The following BAIAP2L1 variants were observed in gnomAD, a reference collection of about 807,000 sequenced individuals.
BAIAP2L1 encodes the protein BAR/IMD domain-containing adapter protein 2-like 1.
A neutral mutation model predicts 66.3 loss-of-function variants in BAIAP2L1; 35 were observed. The ratio of observed to expected loss-of-function variants is 0.53; its 90% CI spans 0.40 to 0.70. The LOEUF is 0.70. Among genes scored for constraint, BAIAP2L1 ranks in the 30% least tolerant of loss-of-function variants. The pLI is 0.00. For synonymous variants in BAIAP2L1, 269 were observed against 248.7 expected (o/e 1.08, Z -0.77); for missense variants, 622 against 656.9 (o/e 0.95, Z 0.58).
At chr7:98,366,856 TTTC>T (rs1437124771) in intron 1 of BAIAP2L1, among the ~76,000 whole-genome samples, 20 of 152,158 alleles carry the variant, frequency 1.3e-4, no homozygotes, top group African/African-American at 4.8e-4. Flanking sequence ...CTTTGCTTTT[TTTC>T]TTTTCTTCCC....
At chr7:98,316,555 C>T (rs151016826) in intron 6 of BAIAP2L1, among the ~76,000 whole-genome samples, 2 of 152,306 alleles carry the variant, frequency 1.3e-5, no homozygotes, top group African/African-American at 4.8e-5. Flanking sequence ...ATTTATAGGG[C>T]ACATGTGATA....
chr7:98,398,692 T>C (rs1247217357), intron 1 of BAIAP2L1, among the ~76,000 whole-genome samples: 1 of 152,110 alleles, frequency 6.6e-6, no homozygotes, highest in African/African-American at 2.4e-5. Context: ...CTTTGGGTAA[T>C]AAGACATGCC....
At chr7:98,300,303 G>A (rs771511325) in intron 12 of BAIAP2L1, among the ~76,000 whole-genome samples, 71 of 152,166 alleles carry the variant, frequency 4.7e-4, no homozygotes, top group Non-Finnish European at 8.4e-4. Flanking sequence ...GCACCAATGC[G>A]TCTGTAGGCT....
chr7:98,371,582 A>G (rs1310842414), intron 1 of BAIAP2L1, among the ~76,000 whole-genome samples: 3 of 152,208 alleles, frequency 2.0e-5, no homozygotes, highest in Non-Finnish European at 4.4e-5. Flanking sequence ...ATGAATTAAG[A>G]ATAATTATGA....
intron 12 of BAIAP2L1, among the ~76,000 whole-genome samples, chr7:98,302,957 TA>T (rs1800489195): frequency 6.6e-6 from 1 of 152,122 alleles, no homozygotes; most frequent in Non-Finnish European, 1.5e-5. Context: ...GCTAATTTTT[TA>T]TATTTTTTGT....
chr7:98,334,375 T>A (rs1486651142), intron 3 of BAIAP2L1, among the ~76,000 whole-genome samples: 1 of 152,202 alleles, frequency 6.6e-6, no homozygotes, highest in East Asian at 1.9e-4. Context: ...TTCAGTCACC[T>A]AGTAATTTTT....
At chr7:98,357,020 AATAT>A (rs1554337327) in intron 2 of BAIAP2L1, among the ~76,000 whole-genome samples, 5 of 28,100 alleles carry the variant, frequency 1.8e-4, no homozygotes, top group African/African-American at 6.9e-4. Context: ...AAAAAAAAAA[AATAT>A]ATATATATAT....
At chr7:98,301,155 G>A (rs1204512162) in intron 12 of BAIAP2L1, among the ~76,000 whole-genome samples, 1 of 152,322 alleles carries the variant, frequency 6.6e-6, no homozygotes, top group East Asian at 1.9e-4. Context: ...CCATGTGACT[G>A]TGTTGACAGA....
chr7:98,305,656 C>T (rs925507092), intron 11 of BAIAP2L1, among the ~76,000 whole-genome samples: 3 of 152,142 alleles, frequency 2.0e-5, no homozygotes, highest in African/African-American at 7.2e-5. Context: ...CTTGTGGCCT[C>T]AAGTAATCCT....
intron 12 of BAIAP2L1, among the ~76,000 whole-genome samples, chr7:98,302,168 T>TA (rs1800456684): frequency 6.6e-6 from 1 of 152,210 alleles, no homozygotes; most frequent in Non-Finnish European, 1.5e-5. Context: ...CACTGATACT[T>TA]ACAACCAGGC....
intron 11 of BAIAP2L1, among the ~76,000 whole-genome samples, chr7:98,305,189 C>T (rs927853468): frequency 6.6e-6 from 1 of 150,584 alleles, no homozygotes; most frequent in African/African-American, 2.4e-5. Flanking sequence ...CTGCGCCTGG[C>T]CAAAAAATTA....
At chr7:98,377,457 TC>T (rs1477881944) in intron 1 of BAIAP2L1, among the ~76,000 whole-genome samples, 4 of 152,140 alleles carry the variant, frequency 2.6e-5, no homozygotes. Context: ...TGCCATGTTC[TC>T]CCCAACACTT....
rs184846285 is a variant in BAIAP2L1, at chr7:98,323,955, T to C, written c.215-3657A>G. On this transcript the variant is annotated intron_variant, in intron 3 of 13. Transcript: ENST00000005260. ...GTGTTACTTTATGTTTAAAATGCGATGCCACATTGGTTTGTTTGCTCTTAG... is the reference window on the plus strand; with the variant it reads ...GTGTTACTTTATGTTTAAAATGCGACGCCACATTGGTTTGTTTGCTCTTAG... Among the ~76,000 whole-genome samples, 8 of 152,316 alleles carry C rather than the reference T, an allele frequency of 5.3e-5. No homozygotes were observed. The East Asian group carries it at 1.5e-3, about 29-fold the overall frequency.
At chr7:98,396,967 G>A (rs1803224377) in intron 1 of BAIAP2L1, among the ~76,000 whole-genome samples, 1 of 152,092 alleles carries the variant, frequency 6.6e-6, no homozygotes, top group Non-Finnish European at 1.5e-5. Context: ...AAATATGCAT[G>A]CCTACTATGT....
chr7:98,330,624 T>G (rs1181226824), intron 3 of BAIAP2L1, among the ~76,000 whole-genome samples: 1 of 152,176 alleles, frequency 6.6e-6, no homozygotes, highest in Admixed American at 6.5e-5. Flanking sequence ...ACCATTGCAT[T>G]CCAGCCTGGG....
At chr7:98,308,617 A>G (rs1800753759) in intron 9 of BAIAP2L1, 1 of 236,848 alleles carries the variant, frequency 4.2e-6, no homozygotes, top group Non-Finnish European at 8.6e-6. Flanking sequence ...TCATGTCTCC[A>G]TTCAAACACA....
At chr7:98,369,816 T>C (rs1802470210) in intron 1 of BAIAP2L1, among the ~76,000 whole-genome samples, 2 of 151,966 alleles carry the variant, frequency 1.3e-5, no homozygotes, top group Non-Finnish European at 1.5e-5. Context: ...GGATTACAGA[T>C]GCCTGCTACC....
chr7:98,309,998 C>CA (rs1160535079), intron 9 of BAIAP2L1: 1 of 152,224 alleles, frequency 6.6e-6, no homozygotes, highest in African/African-American at 2.8e-5. Context: ...TACAGGCAGG[C>CA]ACCACCACGC....
intron 3 of BAIAP2L1, among the ~76,000 whole-genome samples, chr7:98,325,221 C>T (rs765870647): frequency 1.7e-4 from 25 of 151,244 alleles, no homozygotes; most frequent in East Asian, 3.9e-4. Flanking sequence ...TGTCTCTACT[C>T]AAAATACAAA....
Sources: allele counts gnomAD v4.1 joint callset (sites outside exome capture counted in the v4.1 genomes callset), GRCh38; gene constraint gnomAD v4.1.1; transcripts MANE v1.5; gene names NCBI Gene and HGNC (gene_info 2026-07-23, HGNC 2026-07-21).